The following SLC25A27 variants were observed in gnomAD, a reference collection of about 807,000 sequenced individuals.
The protein encoded by SLC25A27 is solute carrier family 25 member 27.
In SLC25A27, 35 loss-of-function variants were observed where a neutral mutation model predicts 49.1. The observed-to-expected ratio is 0.71, with a 90% confidence interval of 0.54 to 0.95. The LOEUF is 0.95. SLC25A27 is among the 40% of genes least tolerant of loss of function. The pLI is 0.00. For missense variants in SLC25A27, 339 were observed against 397.1 expected (o/e 0.85, Z 1.24); for synonymous variants, 144 against 136.9 (o/e 1.05, Z -0.36).
At chr6:46,663,203 T>A (rs143396881) in intron 4 of SLC25A27, among the ~76,000 whole-genome samples, 113 of 152,272 alleles carry the variant, frequency 7.4e-4, no homozygotes, top group African/African-American at 2.7e-3. Context: ...TGCAGATGGA[T>A]AGACCTTTCC....
At position 46,664,768 on chromosome 6, in the gene SLC25A27, C is replaced by T. The variant is rs761260087; in HGVS notation, c.507-6C>T. 1.3e-6 allele frequency: 2 copies of T among 1,527,484 alleles called. No homozygotes were observed. Among genetic ancestry groups the T allele is most frequent in the Non-Finnish European group, 1.8e-6 (2 of 1,115,224 alleles). The allele number at this position is 1,527,484 out of a possible 1,614,324, so 94.6% of individuals were successfully genotyped here. ...AGTTTTCACATTTAATTATTATTCTCCTTAGATTTCGTGGTGTACATCATG... is the reference window on the plus strand; with the variant it reads ...AGTTTTCACATTTAATTATTATTCTTCTTAGATTTCGTGGTGTACATCATG... On this transcript the variant is annotated splice_polypyrimidine_tract_variant and splice_region_variant and intron_variant, in intron 4 of 8. Transcript: ENST00000371347.
In SLC25A27 at chr6:46,653,182, G is replaced by C; in HGVS notation, c.-11G>C. 6.2e-7 allele frequency: 1 copy of C among 1,610,862 alleles called. No individual in the cohort carries two copies. The highest frequency in any genetic ancestry group is 8.5e-7 in the Non-Finnish European group (1 of 1,178,008). ...GAGAAGGAGTGCGTTATCGTCTTGC[G>C]CTACTGCTGAATGTCCGTCCCGGAG... On this transcript the variant is annotated 5_prime_UTR_variant, in exon 1 of 9. Transcript: ENST00000371347.
chr6:46,674,775 C>A (rs1763701130), intron 8 of SLC25A27, among the ~76,000 whole-genome samples: 1 of 152,090 alleles, frequency 6.6e-6, no homozygotes, highest in South Asian at 2.1e-4. Flanking sequence ...TATATGGGTA[C>A]TCAAGTAATA....
intron 1 of SLC25A27, chr6:46,654,217 C>T (rs1762885729): frequency 4.1e-6 from 3 of 738,672 alleles, no homozygotes; most frequent in Non-Finnish European, 5.0e-6. Flanking sequence ...TTGCCTGTTA[C>T]AAAAAAATAA....
rs1445305297 is a variant in SLC25A27 at position 46,676,545 on chromosome 6, T to C, written c.*91T>C. On this transcript the variant is annotated 3_prime_UTR_variant, in exon 9 of 9. Coordinates refer to ENST00000371347, the MANE Select transcript of SLC25A27 (RefSeq NM_004277.5). ...ACATACCCCCTATTATTTCTACCTC[T>C]TTAGGAAGACACCTATTCCACAGAG... 14 of 1,606,296 alleles carry C rather than the reference T, an allele frequency of 8.7e-6. No homozygotes were observed. Among genetic ancestry groups the C allele is most frequent in the Non-Finnish European group, 1.2e-5 (14 of 1,175,618 alleles).
intron 7 of SLC25A27, 64 bp downstream of exon 7, chr6:46,670,291 T>C (rs1763479284): frequency 4.0e-6 from 4 of 1,007,654 alleles, no homozygotes; most frequent in African/African-American, 1.7e-5. Flanking sequence ...GTTTTAAAGA[T>C]GCATCTCTGC....
chr6:46,660,514 A>G (rs1267217848), intron 3 of SLC25A27, among the ~76,000 whole-genome samples: 2 of 152,194 alleles, frequency 1.3e-5, no homozygotes, highest in Non-Finnish European at 2.9e-5. Flanking sequence ...CTACATATGC[A>G]TTAAGACAGA....
intron 6 of SLC25A27, 57 bp downstream of exon 6, chr6:46,668,850 T>C (rs1272781303): frequency 1.0e-6 from 1 of 992,004 alleles, no homozygotes; most frequent in Non-Finnish European, 1.6e-6. Flanking sequence ...TTTTCTTCCA[T>C]ATTTGACATA....
In SLC25A27 at chr6:46,676,842, T is replaced by C. The variant is rs1763813565; in HGVS notation, c.*388T>C. ...TCAGATCTGAAGTAGACGATAGGAA[T>C]GTGGAAGAACACATACATAGTGCTT... is the stretch of plus-strand genomic sequence containing the variant. On this transcript the variant is annotated 3_prime_UTR_variant, in exon 9 of 9. Transcript: ENST00000371347. 1.5e-6 allele frequency: 1 copy of C among 658,318 alleles called. No individual in the cohort carries two copies. Among genetic ancestry groups the C allele is most frequent in the African/African-American group, 1.8e-5 (1 of 54,900 alleles). 40.8% of individuals were successfully genotyped at this position (658,318 alleles called of 1,614,324 possible).
intron 1 of SLC25A27, among the ~76,000 whole-genome samples, chr6:46,655,531 G>GTTTTTTTTTTT (rs1283936753): frequency 5.1e-5 from 5 of 98,548 alleles, no homozygotes; most frequent in African/African-American, 1.1e-4. Flanking sequence ...TATTGTTAAT[G>GTTTTTTTTTTT]TTTGTTTTTT....
rs1763312167 is a variant in SLC25A27, at chr6:46,665,961, A to T, written c.619+1075A>T. On this transcript the variant is annotated intron_variant, in intron 5 of 8. Coordinates refer to ENST00000371347, the MANE Select transcript of SLC25A27 (RefSeq NM_004277.5). ...GAAATTTTGGAATGTGACTTAGAAG[A>T]TCTGCAAAATCTGGCCTGTGCCTTC... Among the ~76,000 whole-genome samples the T allele has an allele frequency of 4.6e-5, 7 of 152,350 alleles. 1 individual carries two copies. In the South Asian group the frequency reaches 1.4e-3, roughly 32 times the overall value.
chr6:46,654,536 A>G (rs1762904366), intron 1 of SLC25A27, among the ~76,000 whole-genome samples: 1 of 152,222 alleles, frequency 6.6e-6, no homozygotes, highest in African/African-American at 2.4e-5. Context: ...ATACAGGACT[A>G]TTCCTCGTTA....
At chr6:46,663,628 GT>G (rs550503633) in intron 4 of SLC25A27, among the ~76,000 whole-genome samples, 296 of 152,196 alleles carry the variant, frequency 1.9e-3, no homozygotes, top group African/African-American at 6.7e-3. Flanking sequence ...TGATCACTCA[GT>G]TTTTTTCCCC....
chr6:46,659,121 C>A, intron 3 of SLC25A27, 75 bp downstream of exon 3: 1 of 925,452 alleles, frequency 1.1e-6, no homozygotes, highest in Non-Finnish European at 1.7e-6. Flanking sequence ...TAAAATTGTA[C>A]ATTTGTACCC....
chr6:46,659,507 A>G (rs1372468671), intron 3 of SLC25A27, among the ~76,000 whole-genome samples: 1 of 152,194 alleles, frequency 6.6e-6, no homozygotes, highest in African/African-American at 2.4e-5. Context: ...GGAAACTGAA[A>G]AAATCGGTTA....
chr6:46,668,681 T>C (rs1360048247), intron 5 of SLC25A27, 28 bp from the exon 6 acceptor site: 1 of 1,313,818 alleles, frequency 7.6e-7, no homozygotes, highest in South Asian at 1.2e-5. Flanking sequence ...TGTTGACTGA[T>C]GAATATTTAA....
intron 1 of SLC25A27, 36 bp from the exon 2 acceptor site, chr6:46,655,807 G>T (rs373099444): frequency 1.3e-5 from 21 of 1,579,046 alleles, no homozygotes; most frequent in Non-Finnish European, 1.8e-5. Flanking sequence ...TTCTCTGAAT[G>T]TTGTGGGTTT....
intron 7 of SLC25A27, 50 bp from the exon 8 acceptor site, chr6:46,671,076 T>C (rs1763518179): frequency 8.3e-7 from 1 of 1,203,352 alleles, no homozygotes. Flanking sequence ...TATGTACATA[T>C]ATATTTTTTT....
rs758626551 is a variant in SLC25A27, at chr6:46,668,743, G to A, written c.654G>A (p.Leu218=). Residue 218 remains leucine, a synonymous_variant, in exon 6 of 9, where the codon TTG becomes TTA. Transcript: ENST00000371347. ...LTTYDTVKHY[L]VLNTPLEDNI... is the part of the protein sequence containing the mutation. Reference sequence around the variant, plus strand: ...CTTATGATACAGTGAAACACTACTTGGTATTGAATACACCACTTGAGGACA... The same window carrying A: ...CTTATGATACAGTGAAACACTACTTAGTATTGAATACACCACTTGAGGACA... The A allele has an allele frequency of 6.2e-7, 1 of 1,608,988 alleles. No individual in the cohort carries two copies.
Sources: allele counts gnomAD v4.1 joint callset (sites outside exome capture counted in the v4.1 genomes callset), GRCh38; gene constraint gnomAD v4.1.1; transcripts MANE v1.5; gene names NCBI Gene and HGNC (gene_info 2026-07-23, HGNC 2026-07-21).